The following LAT2 variants were observed in gnomAD, a reference collection of about 807,000 sequenced individuals.
LAT2 encodes linker for activation of T-cells family member 2.
A neutral mutation model predicts 43.4 loss-of-function variants in LAT2; 23 were observed. The ratio of observed to expected loss-of-function variants is 0.53; its 90% CI spans 0.38 to 0.75. LAT2 has a LOEUF of 0.75. Ranked by LOEUF, LAT2 falls within the 30% of genes least tolerant of loss-of-function variation. The pLI, the probability that LAT2 is intolerant of heterozygous loss-of-function variation, is 0.00. For missense variants in LAT2, 284 were observed against 310.2 expected (o/e 0.92, Z 0.64); for synonymous variants, 128 against 123.2 (o/e 1.04, Z -0.26).
chr7:74,227,537 C>T (rs1554716286), intron 13 of LAT2, among the ~76,000 whole-genome samples: 1 of 151,994 alleles, frequency 6.6e-6, no homozygotes, highest in Non-Finnish European at 1.5e-5. Flanking sequence ...AGGTTTTGTA[C>T]AAAGACTGGC....
intron 1 of LAT2, among the ~76,000 whole-genome samples, chr7:74,211,985 C>T (rs1325303758): frequency 6.6e-6 from 1 of 152,100 alleles, no homozygotes. Flanking sequence ...GCTCTGTCAC[C>T]CAGGCTGGAG....
At chr7:74,221,225 C>G (rs2074766) in intron 9 of LAT2, among the ~76,000 whole-genome samples, 70,413 of 151,418 alleles carry the variant, frequency 0.47, 16,767 homozygotes, top group African/African-American at 0.58. Context: ...AGACCAGCCT[C>G]GCCAACATGG....
At position 74,214,814 on chromosome 7, in the gene LAT2, T is replaced by C. The variant is rs1209959340; in HGVS notation, c.-218-8T>C. On this transcript the variant is annotated splice_polypyrimidine_tract_variant and splice_region_variant and intron_variant, in intron 1 of 13. Coordinates refer to ENST00000460943, the MANE Select transcript of LAT2 (RefSeq NM_032464.3). ...ATATTTTTTTTTTTTTTTGTATTTT[T>C]TTTGTAGAGATGGAATTTCACCGTG... 8.4e-5 allele frequency: 11 copies of C among 130,242 alleles called. No homozygotes were observed. In the East Asian group the frequency reaches 2.3e-3, roughly 27 times the overall value. 8.1% of individuals were successfully genotyped at this position (130,242 alleles called of 1,614,324 possible).
At chr7:74,226,810 G>A (rs1802507371) in intron 13 of LAT2, among the ~76,000 whole-genome samples, 1 of 152,150 alleles carries the variant, frequency 6.6e-6, no homozygotes, top group Admixed American at 6.6e-5. Context: ...GGCTAGGGAA[G>A]CCTTTCAGAG....
chr7:74,222,698 C>T (rs143159858), intron 10 of LAT2, among the ~76,000 whole-genome samples: 12,313 of 151,960 alleles, frequency 0.081, 516 homozygotes, highest in African/African-American at 0.091. Flanking sequence ...CTCAGCCTCC[C>T]GAGTAGCTGA....
chr7:74,221,624 T>C lies in LAT2; in HGVS notation c.333-13T>C, dbSNP rs782468427. The C allele has an allele frequency of 8.5e-5, 137 of 1,612,298 alleles. No individual in the cohort carries two copies. The highest frequency in any genetic ancestry group is 2.2e-4 in the Admixed American group (13 of 59,840). On this transcript the variant is annotated splice_polypyrimidine_tract_variant and intron_variant, in intron 9 of 13. Transcript: ENST00000460943. ...TGCCCTGAAACCTGTGTTGTATATG[T>C]TTTCTTGGCCAGAGACCCCATTGCC... is the stretch of plus-strand genomic sequence containing the variant.
chr7:74,227,675 CAG>C (rs1207581400), intron 13 of LAT2, among the ~76,000 whole-genome samples: 1 of 152,100 alleles, frequency 6.6e-6, no homozygotes, highest in African/African-American at 2.4e-5. Context: ...GCAGTGGAGA[CAG>C]GGGTAGGCAA....
chr7:74,221,611 T>G (rs1554715278), intron 9 of LAT2, 26 bp from the exon 10 acceptor site: 1 of 1,607,038 alleles, frequency 6.2e-7, no homozygotes, highest in Admixed American at 1.7e-5. Context: ...CCCTGAAACC[T>G]GTGTTGTATA....
intron 4 of LAT2, among the ~76,000 whole-genome samples, chr7:74,219,295 A>G (rs1802170756): frequency 6.6e-6 from 1 of 151,950 alleles, no homozygotes; most frequent in Admixed American, 6.6e-5. Context: ...AGGCAGCCTC[A>G]TCGTCACTCC....
chr7:74,211,271 C>CAG (rs1554713093), intron 1 of LAT2, among the ~76,000 whole-genome samples: 1 of 151,972 alleles, frequency 6.6e-6, no homozygotes, highest in Non-Finnish European at 1.5e-5. Context: ...GAGACAGAGA[C>CAG]AGAGAGAGAG....
chr7:74,210,794 A>T (rs1310634197), intron 1 of LAT2, among the ~76,000 whole-genome samples: 1 of 152,182 alleles, frequency 6.6e-6, no homozygotes, highest in Non-Finnish European at 1.5e-5. Context: ...TTAAAAAATA[A>T]AAATAAAAAA....
rs1219370839 is a variant in LAT2 at position 74,214,185 on chromosome 7, TATAA to T, written c.-218-633_-218-630del. On this transcript the variant is annotated intron_variant, in intron 1 of 13. Coordinates refer to ENST00000460943, the MANE Select transcript of LAT2 (RefSeq NM_032464.3). ...ATGAAAATATATATATGAAAATATA[TATAA>T]ATATATATATGAAAATATATATGAA... 9.6e-5 allele frequency among the ~76,000 whole-genome samples: 10 copies of T among 103,670 alleles called. No individual in the cohort carries two copies. The South Asian group carries it at 2.6e-3, about 27-fold the overall frequency. The allele number at this position is 103,670 out of a possible 152,430, so 68.0% of individuals were successfully genotyped here.
intron 5 of LAT2, 51 bp downstream of exon 5, chr7:74,219,838 T>C (rs1563972550): frequency 2.5e-6 from 4 of 1,612,568 alleles, no homozygotes; most frequent in East Asian, 2.2e-5. Context: ...GGTGTCCCTA[T>C]CAAGTTATCT....
chr7:74,223,625 G>A, intron 10 of LAT2, 99 bp from the exon 11 acceptor site: 2 of 1,140,448 alleles, frequency 1.8e-6, no homozygotes, highest in South Asian at 1.3e-5. Flanking sequence ...CTTGGCGGAA[G>A]AGGTCCCCTG....
In LAT2 at chr7:74,224,117, C is replaced by A. The variant is rs1554715715; in HGVS notation, c.548C>A (p.Ser183Tyr). ...GPTSGLCPSA[S>Y]PEEDEESEDY... ...ACTTCTGGTCTCTGTCCCTCTGCCT[C>A]CCCGGAAGAAGATGAGGAATCTGAG... Residue 183 changes from serine (S) to tyrosine (Y), a missense_variant, in exon 12 of 14, where the codon TCC (serine) becomes TAC (tyrosine). By Grantham distance (144) the Ser-to-Tyr change is moderately radical (BLOSUM62 -2). Transcript: ENST00000460943. 6.2e-7 allele frequency: 1 copy of A among 1,614,198 alleles called. No homozygotes were observed. Among genetic ancestry groups the A allele is most frequent in the South Asian group, 1.1e-5 (1 of 91,082 alleles).
chr7:74,213,417 G>C (rs990061598), intron 1 of LAT2, among the ~76,000 whole-genome samples: 1 of 139,772 alleles, frequency 7.2e-6, no homozygotes, highest in East Asian at 2.1e-4. Context: ...CACTGTGCCC[G>C]GCCATTTTTT....
At chr7:74,212,756 C>T (rs1044348454) in intron 1 of LAT2, among the ~76,000 whole-genome samples, 3 of 152,130 alleles carry the variant, frequency 2.0e-5, no homozygotes, top group Non-Finnish European at 4.4e-5. Flanking sequence ...AGGAGAGTTT[C>T]GAGGAGGGAG....
chr7:74,226,681 TAAG>T (rs1554716158), intron 13 of LAT2, among the ~76,000 whole-genome samples: 1 of 151,796 alleles, frequency 6.6e-6, no homozygotes, highest in African/African-American at 2.4e-5. Flanking sequence ...AGAAAACAGA[TAAG>T]AAGACATGGC....
intron 1 of LAT2, among the ~76,000 whole-genome samples, chr7:74,212,659 A>G (rs1037834826): frequency 3.3e-5 from 5 of 152,200 alleles, no homozygotes; most frequent in African/African-American, 1.2e-4. Context: ...CCTGCAAGAC[A>G]AGTTGCTCCA....
Sources: allele counts gnomAD v4.1 joint callset (sites outside exome capture counted in the v4.1 genomes callset), GRCh38; gene constraint gnomAD v4.1.1; transcripts MANE v1.5; gene names NCBI Gene and HGNC (gene_info 2026-07-23, HGNC 2026-07-21).